KAT2B: variants seen among roughly 807,000 people sequenced by gnomAD.
The protein encoded by KAT2B is histone acetyltransferase KAT2B.
KAT2B carries 36 observed loss-of-function variants against 105.9 expected under a neutral mutation model. The ratio of observed to expected loss-of-function variants is 0.34; its 90% CI spans 0.26 to 0.45. The LOEUF (loss-of-function observed/expected upper bound fraction) is 0.45. Ranked by LOEUF, KAT2B falls within the 20% of genes least tolerant of loss-of-function variation. KAT2B has a pLI of 1.00. For missense variants in KAT2B, 820 were observed against 1,021.6 expected (o/e 0.80, Z 2.69); for synonymous variants, 397 against 377.9 (o/e 1.05, Z -0.59).
intron 9 of KAT2B, among the ~76,000 whole-genome samples, chr3:20,125,138 C>T (rs891793402): frequency 4.0e-5 from 6 of 151,896 alleles, no homozygotes; most frequent in Non-Finnish European, 7.4e-5. Context: ...TTGGCTAACA[C>T]GGTGAAACCC....
In KAT2B at chr3:20,065,883, C is replaced by T. The variant is rs377522840; in HGVS notation, c.304-6450C>T. ...TGGAGTCCCTTTATAGTCTAGTGCA[C>T]CAATATCCAATAGTAATATGGAGGC... On this transcript the variant is annotated intron_variant, in intron 1 of 17. Coordinates refer to ENST00000263754, the MANE Select transcript of KAT2B (RefSeq NM_003884.5). 6.6e-4 allele frequency among the ~76,000 whole-genome samples: 100 copies of T among 152,216 alleles called. No homozygotes were observed. In the Middle Eastern group the frequency reaches 0.017, roughly 26 times the overall value.
chr3:20,150,831 T>C (rs1699857700), intron 17 of KAT2B, among the ~76,000 whole-genome samples: 1 of 152,194 alleles, frequency 6.6e-6, no homozygotes, highest in Non-Finnish European at 1.5e-5. Flanking sequence ...TCGAAAAGCT[T>C]TTGGACAAAC....
chr3:20,074,262 A>G (rs569826735), intron 2 of KAT2B, among the ~76,000 whole-genome samples: 2 of 152,316 alleles, frequency 1.3e-5, no homozygotes, highest in South Asian at 2.1e-4. Flanking sequence ...AATGTAGGAG[A>G]TGATTGTGAA....
intron 5 of KAT2B, among the ~76,000 whole-genome samples, chr3:20,103,355 A>G (rs1559314594): frequency 6.6e-6 from 1 of 152,186 alleles, no homozygotes; most frequent in African/African-American, 2.4e-5. Flanking sequence ...CATCAAGAAA[A>G]AGGAGAATTA....
rs776654246 is a variant in KAT2B at position 20,095,399 on chromosome 3, T to C, written c.567T>C (p.Tyr189=). ...EDADTKQVYF[Y]LFKLLRKSIL... ...CAGATACCAAACAAGTTTATTTCTA[T>C]CTATTTAAGGTGAGATTTTAACATT... Residue 189 remains tyrosine, a synonymous_variant, in exon 3 of 18, where the codon TAT becomes TAC. Transcript: ENST00000263754. 1.3e-4 allele frequency: 213 copies of C among 1,587,726 alleles called. No individual in the cohort carries two copies. Among genetic ancestry groups the C allele is most frequent in the Non-Finnish European group, 1.8e-4 (210 of 1,157,684 alleles).
At chr3:20,126,753 C>T (rs1024267683) in intron 10 of KAT2B, among the ~76,000 whole-genome samples, 12 of 133,056 alleles carry the variant, frequency 9.0e-5, no homozygotes, top group South Asian at 2.6e-4. Context: ...ACCCAGGAGG[C>T]GGAGGTTGTG....
intron 6 of KAT2B, among the ~76,000 whole-genome samples, chr3:20,113,838 G>T (rs1699161471): frequency 6.6e-6 from 1 of 151,856 alleles, no homozygotes; most frequent in Non-Finnish European, 1.5e-5. Context: ...TTTAATGTGT[G>T]CCTCTTTCCC....
At chr3:20,050,967 G>A (rs909231954) in intron 1 of KAT2B, among the ~76,000 whole-genome samples, 3 of 152,030 alleles carry the variant, frequency 2.0e-5, no homozygotes, top group East Asian at 1.9e-4. Context: ...TTGAGAGGCC[G>A]AGGTGGGCAG....
chr3:20,112,312 G>A (rs1255363825), intron 6 of KAT2B, among the ~76,000 whole-genome samples: 1 of 152,102 alleles, frequency 6.6e-6, no homozygotes, highest in Non-Finnish European at 1.5e-5. Context: ...CTCCTTCAGC[G>A]TGATGAACCT....
chr3:20,052,558 A>C (rs1423085669), intron 1 of KAT2B, among the ~76,000 whole-genome samples: 2 of 151,980 alleles, frequency 1.3e-5, no homozygotes, highest in African/African-American at 4.8e-5. Flanking sequence ...TATTGTAAAG[A>C]TGGCCAGGCA....
chr3:20,054,094 G>A (rs952886876), intron 1 of KAT2B, among the ~76,000 whole-genome samples: 7 of 151,868 alleles, frequency 4.6e-5, no homozygotes, highest in Admixed American at 1.3e-4. Flanking sequence ...CATTGTGTCC[G>A]GCTTTAGACT....
chr3:20,091,059 A>C (rs1265488213), intron 2 of KAT2B, among the ~76,000 whole-genome samples: 1 of 152,106 alleles, frequency 6.6e-6, no homozygotes, highest in African/African-American at 2.4e-5. Context: ...GGCTTTTTGA[A>C]GAGTTTGAGA....
At chr3:20,080,827 G>A (rs921605956) in intron 2 of KAT2B, among the ~76,000 whole-genome samples, 1 of 152,158 alleles carries the variant, frequency 6.6e-6, no homozygotes, top group South Asian at 2.1e-4. Flanking sequence ...TATTGCATAC[G>A]TATTGAAAGA....
At chr3:20,078,127 C>T (rs571756799) in intron 2 of KAT2B, among the ~76,000 whole-genome samples, 5 of 152,026 alleles carry the variant, frequency 3.3e-5, no homozygotes, top group South Asian at 2.1e-4. Context: ...TTCAGTGGGC[C>T]GAGATCGCAC....
At chr3:20,062,436 AATATATAG>A (rs1698153478) in intron 1 of KAT2B, among the ~76,000 whole-genome samples, 1 of 116,828 alleles carries the variant, frequency 8.6e-6, no homozygotes, top group Admixed American at 1.2e-4. Context: ...TATAATATAT[AATATATAG>A]AAATTATATA....
chr3:20,126,915 A>G (rs1014676817), intron 10 of KAT2B, among the ~76,000 whole-genome samples: 1 of 151,888 alleles, frequency 6.6e-6, no homozygotes, highest in African/African-American at 2.4e-5. Context: ...GCCTATGGGG[A>G]CTGTGATCCA....
intron 8 of KAT2B, 83 bp from the exon 9 acceptor site, chr3:20,122,585 G>A: frequency 1.8e-6 from 2 of 1,100,616 alleles, no homozygotes; most frequent in Admixed American, 4.1e-5. Context: ...GCCCATCAAT[G>A]CTGTTAGAAA....
intron 8 of KAT2B, among the ~76,000 whole-genome samples, chr3:20,121,128 G>A (rs1017111451): frequency 6.6e-6 from 1 of 152,072 alleles, no homozygotes; most frequent in Non-Finnish European, 1.5e-5. Context: ...TGAAAATATT[G>A]TTACTTGTCT....
At chr3:20,071,310 G>T (rs1362078938) in intron 1 of KAT2B, among the ~76,000 whole-genome samples, 3 of 152,186 alleles carry the variant, frequency 2.0e-5, no homozygotes, top group Non-Finnish European at 4.4e-5. Context: ...CTACCCTAGA[G>T]TGACTTCATC....
Sources: allele counts gnomAD v4.1 joint callset (sites outside exome capture counted in the v4.1 genomes callset), GRCh38; gene constraint gnomAD v4.1.1; transcripts MANE v1.5; gene names NCBI Gene and HGNC (gene_info 2026-07-23, HGNC 2026-07-21).